The following CACNA2D1 variants were observed in gnomAD, a reference collection of about 807,000 sequenced individuals.
CACNA2D1 encodes calcium voltage-gated channel auxiliary subunit alpha2delta 1, also known as voltage-dependent calcium channel subunit alpha-2/delta-1.
In CACNA2D1, 53 loss-of-function variants were observed where a neutral mutation model predicts 171.5. The observed-to-expected ratio is 0.31, with a 90% CI of 0.25 to 0.39. The LOEUF (loss-of-function observed/expected upper bound fraction) is 0.39, where lower values mean the gene tolerates loss of function less well. Ranked by LOEUF, CACNA2D1 falls within the 10% of genes least tolerant of loss-of-function variation. CACNA2D1 has a pLI of 1.00. For missense variants in CACNA2D1, 903 were observed against 1,299.8 expected (o/e 0.69, Z 4.69); for synonymous variants, 442 against 443.1 (o/e 1.00, Z 0.03).
chr7:82,369,092 T>G (rs1228711148), intron 1 of CACNA2D1, among the ~76,000 whole-genome samples: 1 of 152,130 alleles, frequency 6.6e-6, no homozygotes, highest in East Asian at 1.9e-4. Context: ...AAGGTTAAAT[T>G]TAATAGTTTC....
chr7:81,965,908 A>G (rs1442142394), intron 31 of CACNA2D1, among the ~76,000 whole-genome samples: 1 of 151,796 alleles, frequency 6.6e-6, no homozygotes, highest in Admixed American at 6.6e-5. Context: ...CAGTCTGAAC[A>G]AATCAGAAGA....
intron 1 of CACNA2D1, among the ~76,000 whole-genome samples, chr7:82,416,277 T>C (rs137973671): frequency 1.7e-3 from 258 of 152,182 alleles, no homozygotes; most frequent in Non-Finnish European, 3.2e-3. Context: ...GTAATCATTG[T>C]AATAATTGTG....
intron 6 of CACNA2D1, among the ~76,000 whole-genome samples, chr7:82,090,933 A>G (rs887410070): frequency 7.9e-5 from 12 of 151,786 alleles, no homozygotes; most frequent in Non-Finnish European, 1.2e-4. Flanking sequence ...TACCTTAAGA[A>G]AAGTCATTTA....
At chr7:82,390,959 T>C (rs1022524759) in intron 1 of CACNA2D1, among the ~76,000 whole-genome samples, 1 of 152,216 alleles carries the variant, frequency 6.6e-6, no homozygotes. Context: ...ACCTCCTTTT[T>C]TTCCCCATGA....
intron 3 of CACNA2D1, among the ~76,000 whole-genome samples, chr7:82,311,030 G>A (rs1455118200): frequency 6.6e-6 from 1 of 152,060 alleles, no homozygotes; most frequent in Non-Finnish European, 1.5e-5. Flanking sequence ...AAGAAATGAT[G>A]TTTAATCTTC....
intron 1 of CACNA2D1, 94 bp downstream of exon 1, chr7:82,443,271 G>C: frequency 7.7e-5 from 82 of 1,064,070 alleles, no homozygotes; most frequent in East Asian, 2.2e-4. Flanking sequence ...CCACCCCCAC[G>C]GGCGGAAAAG....
intron 7 of CACNA2D1, 47 bp from the exon 8 acceptor site, chr7:82,066,571 T>A (rs750414284): frequency 2.6e-6 from 4 of 1,551,072 alleles, no homozygotes; most frequent in East Asian, 4.7e-5. Flanking sequence ...ATATTAGATA[T>A]GCTCTAAAAA....
chr7:82,290,665 C>T (rs1985442), intron 3 of CACNA2D1, among the ~76,000 whole-genome samples: 12,055 of 150,526 alleles, frequency 0.08, 1,610 homozygotes, highest in African/African-American at 0.28. Flanking sequence ...GGCATGATCT[C>T]GGCTCACCAC....
intron 3 of CACNA2D1, among the ~76,000 whole-genome samples, chr7:82,221,803 A>G (rs1428301132): frequency 6.6e-6 from 1 of 151,802 alleles, no homozygotes; most frequent in Non-Finnish European, 1.5e-5. Flanking sequence ...ACGAATTCAG[A>G]TAGCATATTA....
intron 4 of CACNA2D1, among the ~76,000 whole-genome samples, chr7:82,145,501 ATGTG>A (rs959241133): frequency 1.4e-5 from 2 of 144,178 alleles, no homozygotes; most frequent in African/African-American, 5.0e-5. Flanking sequence ...TAGATACAGA[ATGTG>A]TGTATGTATG....
rs996663797 is a variant in CACNA2D1, at chr7:82,041,447, T to C, written c.880-3212A>G. Among the ~76,000 whole-genome samples the C allele has an allele frequency of 6.6e-5, 10 of 152,116 alleles. 1 individual carries two copies. In the East Asian group the frequency reaches 1.9e-3, roughly 30 times the overall value. ...TGATAGTTACTGTCTGTGGCATTTG[T>C]CTCCTTTAACAATGAGGCAAGATGA... On this transcript the variant is annotated intron_variant, in intron 10 of 38. Transcript: ENST00000356860.
chr7:82,158,620 G>A (rs1794614702), intron 4 of CACNA2D1, among the ~76,000 whole-genome samples: 2 of 151,906 alleles, frequency 1.3e-5, no homozygotes, highest in Admixed American at 6.6e-5. Context: ...CCTCAGTGAA[G>A]TCTTAGGTGA....
At chr7:81,985,744 G>A (rs971890162) in intron 21 of CACNA2D1, among the ~76,000 whole-genome samples, 2 of 152,144 alleles carry the variant, frequency 1.3e-5, no homozygotes, top group Admixed American at 6.5e-5. Flanking sequence ...GTTATTAGAT[G>A]TAATAGGAAA....
intron 3 of CACNA2D1, among the ~76,000 whole-genome samples, chr7:82,230,725 T>A (rs1802840458): frequency 6.6e-6 from 1 of 152,200 alleles, no homozygotes; most frequent in Non-Finnish European, 1.5e-5. Flanking sequence ...CCATTTTCAT[T>A]TCTTCTAGAA....
rs975165934 is a variant in CACNA2D1 at position 82,253,152 on chromosome 7, C to G, written c.294+81983G>C. ...AAGGGCTTATACTGGATTTGACTTT[C>G]AAAATAATTTGGATTTCATAACAAA... On this transcript the variant is annotated intron_variant, in intron 3 of 38. Coordinates refer to ENST00000356860, the MANE Select transcript of CACNA2D1 (RefSeq NM_000722.4). Among the ~76,000 whole-genome samples the G allele has an allele frequency of 4.7e-5, 7 of 148,382 alleles. No individual in the cohort carries two copies. In the South Asian group the frequency reaches 1.5e-3, roughly 31 times the overall value.
At chr7:82,258,822 T>C (rs1252509117) in intron 3 of CACNA2D1, among the ~76,000 whole-genome samples, 3 of 114,266 alleles carry the variant, frequency 2.6e-5, no homozygotes, top group Admixed American at 1.9e-4. Flanking sequence ...CTTTTCTTTT[T>C]TTTTTTTTTT....
chr7:82,384,186 T>C lies in CACNA2D1; in HGVS notation c.96-34537A>G, dbSNP rs184234676. Among the ~76,000 whole-genome samples, 63 of 152,286 alleles carry C rather than the reference T, an allele frequency of 4.1e-4. 1 individual carries two copies. In the East Asian group the frequency reaches 7.9e-3, roughly 19 times the overall value. On this transcript the variant is annotated intron_variant, in intron 1 of 38. Coordinates refer to ENST00000356860, the MANE Select transcript of CACNA2D1 (RefSeq NM_000722.4). ...TCACCAGGGGTATTTTGGTTTTGGTTTGAATGCTGTAGACTGAATTGTCTC... is the reference window on the plus strand; with the variant it reads ...TCACCAGGGGTATTTTGGTTTTGGTCTGAATGCTGTAGACTGAATTGTCTC...
Position 82,013,540 on chromosome 7 carries a change from A to G in CACNA2D1, c.1223-30T>C, listed in dbSNP as rs758349309. On this transcript the variant is annotated intron_variant, in intron 13 of 38. Transcript: ENST00000356860. ...AATATACATATATGTTTTTATACATAAATGTTACTTTATAATAAAGGGCCA... is the reference window on the plus strand; with the variant it reads ...AATATACATATATGTTTTTATACATGAATGTTACTTTATAATAAAGGGCCA... 4 of 795,550 alleles carry G rather than the reference A, an allele frequency of 5.0e-6. No individual in the cohort carries two copies. In the Admixed American group the frequency reaches 1.2e-4, roughly 25 times the overall value. 49.3% of individuals were successfully genotyped at this position (795,550 alleles called of 1,614,324 possible).
intron 1 of CACNA2D1, among the ~76,000 whole-genome samples, chr7:82,442,834 G>C (rs958455621): frequency 6.6e-6 from 1 of 152,152 alleles, no homozygotes; most frequent in South Asian, 2.1e-4. Context: ...GCGTCTAATC[G>C]GAAGGCTGTC....
Sources: gnomAD v4.1 joint callset for allele counts (sites outside exome capture counted in the v4.1 genomes callset) on GRCh38, gnomAD v4.1.1 for gene constraint, MANE v1.5 for transcripts, NCBI Gene and HGNC (gene_info 2026-07-23, HGNC 2026-07-21) for gene names.